EYS: variants seen among roughly 807,000 people sequenced by gnomAD.
The protein encoded by EYS is protein eyes shut homolog.
Under a neutral mutation model 282.1 loss-of-function variants are expected in EYS, and 250 were observed. The observed-to-expected ratio is 0.89, with a 90% CI of 0.80 to 0.98. EYS has a LOEUF of 0.98. EYS is among the 50% of genes least tolerant of loss of function. EYS has a pLI of 0.00. For missense variants in EYS, 4,016 were observed against 3,709.0 expected (o/e 1.08, Z -2.15); for synonymous variants, 1,355 against 1,282.9 (o/e 1.06, Z -1.20).
intron 28 of EYS, among the ~76,000 whole-genome samples, chr6:64,401,191 T>A (rs1357831252): frequency 1.3e-5 from 2 of 152,062 alleles, no homozygotes; most frequent in Non-Finnish European, 2.9e-5. Context: ...CAAAATTCCA[T>A]CGTGTTGGAA....
intron 30 of EYS, among the ~76,000 whole-genome samples, chr6:64,290,342 G>C (rs556199739): frequency 1.3e-5 from 2 of 151,988 alleles, no homozygotes; most frequent in Admixed American, 1.3e-4. Context: ...TTATAAAGTA[G>C]AAGAAAAAAC....
At chr6:64,772,364 T>C (rs1773551168) in intron 22 of EYS, among the ~76,000 whole-genome samples, 1 of 151,738 alleles carries the variant, frequency 6.6e-6, no homozygotes, top group African/African-American at 2.4e-5. Flanking sequence ...GCTTTTCTTT[T>C]GAATTTTTGT....
chr6:65,028,479 T>A (rs1772491716), intron 13 of EYS, among the ~76,000 whole-genome samples: 1 of 152,040 alleles, frequency 6.6e-6, no homozygotes, highest in African/African-American at 2.4e-5. Context: ...AAACCAATAC[T>A]ATTGACTATA....
intron 31 of EYS, among the ~76,000 whole-genome samples, chr6:64,171,579 CAAAAG>C (rs1764481246): frequency 6.6e-6 from 1 of 151,664 alleles, no homozygotes; most frequent in African/African-American, 2.4e-5. Context: ...GATTTTGAAG[CAAAAG>C]AAAACCTTTG....
intron 2 of EYS, among the ~76,000 whole-genome samples, chr6:65,604,270 G>A (rs998434911): frequency 7.2e-5 from 11 of 151,850 alleles, no homozygotes; most frequent in East Asian, 1.9e-4. Context: ...TATAAAACAG[G>A]AGGAATTTCA....
At chr6:65,196,334 A>T (rs1765766352) in intron 12 of EYS, among the ~76,000 whole-genome samples, 1 of 152,016 alleles carries the variant, frequency 6.6e-6, no homozygotes, top group South Asian at 2.1e-4. Context: ...GGTTTTTTAT[A>T]TGTTCTTCCA....
At chr6:64,649,891 T>C (rs1768496856) in intron 22 of EYS, among the ~76,000 whole-genome samples, 1 of 152,048 alleles carries the variant, frequency 6.6e-6, no homozygotes, top group African/African-American at 2.4e-5. Context: ...CCCAAGGAAA[T>C]AGAATATATT....
chr6:64,320,700 C>T (rs1230131769), intron 29 of EYS, among the ~76,000 whole-genome samples: 2 of 12,584 alleles, frequency 1.6e-4, no homozygotes, highest in African/African-American at 1.2e-3. Flanking sequence ...CATTTTTATC[C>T]TATTGGCCAC....
chr6:64,443,783 C>T lies in EYS; in HGVS notation c.5645-4431G>A, dbSNP rs114255567. Reference sequence around the variant, plus strand: ...TATGTGACTTGCTCCTTGTCTTTGGCCATGATTGTGAGGCCTCCCCAGCCA... The same window carrying T: ...TATGTGACTTGCTCCTTGTCTTTGGTCATGATTGTGAGGCCTCCCCAGCCA... On this transcript the variant is annotated intron_variant, in intron 26 of 42. Coordinates refer to ENST00000503581, the MANE Select transcript of EYS (RefSeq NM_001142800.2). Among the ~76,000 whole-genome samples the T allele has an allele frequency of 9.3e-3, 1,419 of 152,224 alleles. 25 individuals carry two copies. Among genetic ancestry groups the T allele is most frequent in the African/African-American group, 0.033 (1,354 of 41,518 alleles).
At chr6:65,350,517 T>C (rs1345047862) in intron 9 of EYS, among the ~76,000 whole-genome samples, 1 of 151,700 alleles carries the variant, frequency 6.6e-6, no homozygotes, top group Non-Finnish European at 1.5e-5. Context: ...TTTAACTCTA[T>C]GTTTAACTTG....
intron 26 of EYS, among the ~76,000 whole-genome samples, chr6:64,564,108 A>G (rs966328381): frequency 6.6e-6 from 1 of 151,762 alleles, no homozygotes; most frequent in Non-Finnish European, 1.5e-5. Context: ...TTGGACATAT[A>G]CCCACGAGTG....
chr6:64,710,601 CTG>C (rs1771176801), intron 22 of EYS, among the ~76,000 whole-genome samples: 1 of 152,214 alleles, frequency 6.6e-6, no homozygotes, highest in Non-Finnish European at 1.5e-5. Context: ...TGCTTCCTTC[CTG>C]TGTTTCCTTC....
intron 35 of EYS, among the ~76,000 whole-genome samples, chr6:63,883,399 C>G (rs1042471063): frequency 6.6e-5 from 10 of 152,238 alleles, no homozygotes; most frequent in Admixed American, 1.3e-4. Flanking sequence ...CCATAAACAG[C>G]AAACCATTTC....
At chr6:64,681,053 A>G in intron 22 of EYS, among the ~76,000 whole-genome samples, 1 of 152,214 alleles carries the variant, frequency 6.6e-6, no homozygotes, top group East Asian at 1.9e-4. Context: ...AAAGCAGCTA[A>G]GAAGAGCCTG....
intron 13 of EYS, among the ~76,000 whole-genome samples, chr6:65,014,584 C>A (rs1771983761): frequency 6.6e-6 from 1 of 151,816 alleles, no homozygotes; most frequent in Admixed American, 6.6e-5. Flanking sequence ...GGATGAGGGC[C>A]AGAAGATGAG....
chr6:65,616,558 TG>T (rs1766204605), intron 2 of EYS, among the ~76,000 whole-genome samples: 1 of 151,910 alleles, frequency 6.6e-6, no homozygotes, highest in East Asian at 1.9e-4. Flanking sequence ...GAGGCCGAGG[TG>T]GGTGGATCAC....
intron 14 of EYS, among the ~76,000 whole-genome samples, chr6:64,992,747 A>G (rs1044906162): frequency 1.3e-5 from 2 of 152,060 alleles, no homozygotes; most frequent in Non-Finnish European, 2.9e-5. Context: ...AATTTCCAAC[A>G]AATGTGATTA....
chr6:63,839,028 AT>A (rs1288688707), intron 36 of EYS, among the ~76,000 whole-genome samples: 1 of 152,206 alleles, frequency 6.6e-6, no homozygotes, highest in Non-Finnish European at 1.5e-5. Flanking sequence ...GAATTAGCAT[AT>A]TCATCATGTT....
intron 13 of EYS, among the ~76,000 whole-genome samples, chr6:65,013,314 C>A (rs1425915388): frequency 6.6e-6 from 1 of 152,080 alleles, no homozygotes; most frequent in African/African-American, 2.4e-5. Context: ...ATTCACTGTA[C>A]CCCCATATCA....
Sources: allele counts gnomAD v4.1 joint callset (sites outside exome capture counted in the v4.1 genomes callset), GRCh38; gene constraint gnomAD v4.1.1; transcripts MANE v1.5; gene names NCBI Gene and HGNC (gene_info 2026-07-23, HGNC 2026-07-21).